GULP1: variants seen among roughly 807,000 people sequenced by gnomAD.
GULP1 encodes PTB domain-containing engulfment adapter protein 1.
Under a neutral mutation model 40.9 loss-of-function variants are expected in GULP1, and 19 were observed. That is an observed-to-expected ratio of 0.46 (90% confidence interval 0.32 to 0.68). The LOEUF is 0.68. Ranked by LOEUF, GULP1 falls within the 30% of genes least tolerant of loss-of-function variation. The pLI, the probability that GULP1 is intolerant of heterozygous loss-of-function variation, is 0.03. For missense variants in GULP1, 312 were observed against 362.2 expected (o/e 0.86, Z 1.12); for synonymous variants, 119 against 117.6 (o/e 1.01, Z -0.08).
chr2:188,572,435 C>A (rs1159643457), intron 9 of GULP1, among the ~76,000 whole-genome samples: 2 of 152,132 alleles, frequency 1.3e-5, no homozygotes, highest in Non-Finnish European at 2.9e-5. Context: ...TCAAAAACTA[C>A]AACTAAGAGG....
chr2:188,548,485 A>G (rs534959271), intron 7 of GULP1, among the ~76,000 whole-genome samples: 1 of 152,194 alleles, frequency 6.6e-6, no homozygotes, highest in South Asian at 2.1e-4. Flanking sequence ...GAGAGATACT[A>G]TTTTCAGTTC....
intron 4 of GULP1, among the ~76,000 whole-genome samples, chr2:188,499,723 A>G (rs1230292018): frequency 6.6e-6 from 1 of 151,726 alleles, no homozygotes; most frequent in Non-Finnish European, 1.5e-5. Context: ...TTTCTTTTTT[A>G]CTCTGTCTTC....
intron 2 of GULP1, among the ~76,000 whole-genome samples, chr2:188,430,660 C>T (rs1262882154): frequency 1.3e-5 from 2 of 152,204 alleles, no homozygotes; most frequent in Non-Finnish European, 2.9e-5. Context: ...TGTCACTCAG[C>T]TCCATTTTCC....
In GULP1 at chr2:188,570,009, A is replaced by G. The variant is rs1302731873; in HGVS notation, c.517-19A>G. The G allele has an allele frequency of 5.4e-6, 5 of 918,480 alleles. No individual in the cohort carries two copies. Among genetic ancestry groups the G allele is most frequent in the South Asian group, 2.9e-5 (2 of 68,592 alleles). 56.9% of individuals were successfully genotyped at this position (918,480 alleles called of 1,614,324 possible). A position where few individuals can be genotyped will look rare whatever the true frequency, so the allele number is the denominator to read the frequency against. ...GAAAAAAAAAACAGAAAGTTATTCAATAATGATTTTCTTTTTAGATCCAAG... is the reference window on the plus strand; with the variant it reads ...GAAAAAAAAAACAGAAAGTTATTCAGTAATGATTTTCTTTTTAGATCCAAG... On this transcript the variant is annotated intron_variant, in intron 8 of 11. Coordinates refer to ENST00000409830, the MANE Select transcript of GULP1 (RefSeq NM_016315.4).
intron 2 of GULP1, among the ~76,000 whole-genome samples, chr2:188,462,746 G>A (rs1376331872): frequency 6.6e-6 from 1 of 151,788 alleles, no homozygotes; most frequent in Non-Finnish European, 1.5e-5. Context: ...ATATGATTTA[G>A]TTTCTTGTTT....
chr2:188,529,918 A>G (rs1189526831), intron 6 of GULP1, among the ~76,000 whole-genome samples: 1 of 152,184 alleles, frequency 6.6e-6, no homozygotes, highest in East Asian at 1.9e-4. Flanking sequence ...TTGAACAGAT[A>G]ATGATTCATG....
chr2:188,385,996 A>G (rs1168839902), intron 2 of GULP1, among the ~76,000 whole-genome samples: 1 of 152,142 alleles, frequency 6.6e-6, no homozygotes, highest in Non-Finnish European at 1.5e-5. Context: ...CTGCCTGTTA[A>G]CCAGTTCCTA....
At chr2:188,453,813 C>T (rs931830906) in intron 2 of GULP1, among the ~76,000 whole-genome samples, 2 of 152,044 alleles carry the variant, frequency 1.3e-5, no homozygotes, top group African/African-American at 2.4e-5. Flanking sequence ...ACCAGAAATA[C>T]GAAAAGGGAC....
chr2:188,322,669 C>A (rs12693496), intron 1 of GULP1, among the ~76,000 whole-genome samples: 114,417 of 152,032 alleles, frequency 0.75, 43,508 homozygotes, highest in East Asian at 0.95. Context: ...ATATTGACTA[C>A]AGTTTCTTGT....
intron 1 of GULP1, among the ~76,000 whole-genome samples, chr2:188,318,834 C>G (rs1026560048): frequency 1.3e-5 from 2 of 152,140 alleles, no homozygotes; most frequent in Admixed American, 1.3e-4. Flanking sequence ...TATGGGGTAG[C>G]TGTGCTCTGC....
chr2:188,296,946 CTG>C (rs1186652279), intron 1 of GULP1, among the ~76,000 whole-genome samples: 4 of 150,966 alleles, frequency 2.6e-5, no homozygotes, highest in Non-Finnish European at 5.9e-5. Flanking sequence ...CTCTCTTTGT[CTG>C]TCTCTCTCTC....
chr2:188,484,875 T>G (rs904617119), intron 4 of GULP1, among the ~76,000 whole-genome samples: 7 of 152,162 alleles, frequency 4.6e-5, no homozygotes, highest in African/African-American at 7.2e-5. Context: ...ATACTTGAAA[T>G]CACTGCAGTG....
chr2:188,474,065 A>G (rs185737181), intron 2 of GULP1, among the ~76,000 whole-genome samples: 2 of 152,280 alleles, frequency 1.3e-5, no homozygotes, highest in East Asian at 1.9e-4. Context: ...CAAGATGTCT[A>G]GAAATGTTGT....
At chr2:188,413,120 A>T (rs1241677182) in intron 2 of GULP1, among the ~76,000 whole-genome samples, 1 of 152,170 alleles carries the variant, frequency 6.6e-6, no homozygotes, top group Non-Finnish European at 1.5e-5. Context: ...CTTTTAATAT[A>T]TGTTATGATT....
chr2:188,327,802 A>G (rs1215473201), intron 1 of GULP1, among the ~76,000 whole-genome samples: 1 of 152,114 alleles, frequency 6.6e-6, no homozygotes, highest in Admixed American at 6.6e-5. Flanking sequence ...GCCATATGAA[A>G]GTGGCATTTT....
At chr2:188,581,329 A>T (rs1044962908) in intron 9 of GULP1, among the ~76,000 whole-genome samples, 2 of 152,156 alleles carry the variant, frequency 1.3e-5, no homozygotes, top group African/African-American at 4.8e-5. Context: ...AAGTAATGAG[A>T]CAAAGCCTCA....
intron 1 of GULP1, among the ~76,000 whole-genome samples, chr2:188,358,181 A>AAACAACAACAAC (rs201363968): frequency 1.3e-5 from 2 of 151,688 alleles, no homozygotes; most frequent in African/African-American, 4.8e-5. Flanking sequence ...ACTCCATCTC[A>AAACAACAACAAC]AACAACAACA....
At chr2:188,353,393 G>A (rs930955255) in intron 1 of GULP1, among the ~76,000 whole-genome samples, 6 of 151,958 alleles carry the variant, frequency 3.9e-5, no homozygotes, top group African/African-American at 7.2e-5. Flanking sequence ...TTGCAAGGCC[G>A]CTCTCTGAAA....
intron 2 of GULP1, among the ~76,000 whole-genome samples, chr2:188,444,082 C>G (rs2058180324): frequency 6.6e-6 from 1 of 152,058 alleles, no homozygotes; most frequent in Non-Finnish European, 1.5e-5. Flanking sequence ...CTTGTATTAC[C>G]TGCATCCCAG....
Sources: allele counts gnomAD v4.1 joint callset (sites outside exome capture counted in the v4.1 genomes callset), GRCh38; gene constraint gnomAD v4.1.1; transcripts MANE v1.5; gene names NCBI Gene and HGNC (gene_info 2026-07-23, HGNC 2026-07-21).